Variants in GRID2 observed in about 807,000 individuals in gnomAD.
The protein encoded by GRID2 is glutamate receptor ionotropic, delta-2.
Under a neutral mutation model 114.8 loss-of-function variants are expected in GRID2, and 33 were observed. The ratio of observed to expected loss-of-function variants is 0.29; its 90% confidence interval spans 0.22 to 0.38. GRID2 has a LOEUF of 0.38. Among genes scored for constraint, GRID2 ranks in the 10% least tolerant of loss-of-function variants. The probability of loss-of-function intolerance (pLI) is 1.00; values close to 1 mark genes in which losing one functional copy is unlikely to be tolerated. For synonymous variants in GRID2, 505 were observed against 449.9 expected (o/e 1.12, Z -1.55); for missense variants, 1,184 against 1,257.7 (o/e 0.94, Z 0.89).
At chr4:92,997,955 A>G (rs1283298184) in intron 2 of GRID2, among the ~76,000 whole-genome samples, 6 of 152,236 alleles carry the variant, frequency 3.9e-5, no homozygotes, top group South Asian at 4.1e-4. Context: ...GTCAAATCAC[A>G]TATCAGACAT....
intron 1 of GRID2, among the ~76,000 whole-genome samples, chr4:92,551,803 G>A (rs964133518): frequency 6.6e-6 from 1 of 152,132 alleles, no homozygotes; most frequent in African/African-American, 2.4e-5. Context: ...GTCTATGCAT[G>A]AAGTGAGAAG....
Position 93,110,706 on chromosome 4 carries a change from C to T in GRID2, c.530-42C>T, listed in dbSNP as rs759358148. The T allele has an allele frequency of 7.1e-6, 9 of 1,273,096 alleles. No individual in the cohort carries two copies. The Admixed American group carries it at 8.4e-5, about 12-fold the overall frequency. 78.9% of individuals were successfully genotyped at this position (1,273,096 alleles called of 1,614,324 possible). ...AAATAGCTTATGCCTTCCTTCTGTA[C>T]AATAATTCACAGGTATTTTGATGGG... On this transcript the variant is annotated intron_variant, in intron 3 of 15. Transcript: ENST00000282020.
At chr4:92,598,409 T>C (rs185289038) in intron 2 of GRID2, among the ~76,000 whole-genome samples, 78 of 152,226 alleles carry the variant, frequency 5.1e-4, no homozygotes, top group African/African-American at 1.8e-3. Flanking sequence ...ATAGTACTAT[T>C]TTTAAACTCT....
At chr4:93,106,011 T>C (rs1040710546) in intron 3 of GRID2, among the ~76,000 whole-genome samples, 9 of 152,116 alleles carry the variant, frequency 5.9e-5, no homozygotes, top group Middle Eastern at 3.2e-3. Flanking sequence ...TATAGTGTCA[T>C]GGAAAAAACA....
At chr4:93,446,809 A>T (rs1722135767) in intron 10 of GRID2, among the ~76,000 whole-genome samples, 1 of 151,998 alleles carries the variant, frequency 6.6e-6, no homozygotes, top group Admixed American at 6.6e-5. Context: ...GACCATCAAC[A>T]TGTGAGTTTT....
At chr4:92,414,857 A>G (rs781395277) in intron 1 of GRID2, among the ~76,000 whole-genome samples, 7 of 152,134 alleles carry the variant, frequency 4.6e-5, no homozygotes, top group Non-Finnish European at 1.0e-4. Flanking sequence ...TATATTTTCC[A>G]ATAAAAACTA....
At chr4:93,126,662 A>G (rs1332272476) in intron 4 of GRID2, among the ~76,000 whole-genome samples, 2 of 120,418 alleles carry the variant, frequency 1.7e-5, no homozygotes, top group Non-Finnish European at 3.2e-5. Flanking sequence ...CAGTGGCGCG[A>G]TCTCGGCTCA....
At chr4:92,749,853 T>TATTGATTG (rs113146808) in intron 2 of GRID2, among the ~76,000 whole-genome samples, 7 of 151,824 alleles carry the variant, frequency 4.6e-5, no homozygotes, top group Admixed American at 1.3e-4. Flanking sequence ...CCTCACATTT[T>TATTGATTG]ATTGATTGAT....
At chr4:92,493,387 G>T (rs1723242300) in intron 1 of GRID2, among the ~76,000 whole-genome samples, 1 of 152,110 alleles carries the variant, frequency 6.6e-6, no homozygotes, top group Admixed American at 6.6e-5. Context: ...CAGCTTAGTA[G>T]CTGAAGCCAG....
intron 1 of GRID2, among the ~76,000 whole-genome samples, chr4:92,311,832 G>C (rs185757428): frequency 2.6e-5 from 4 of 152,002 alleles, no homozygotes; most frequent in African/African-American, 9.6e-5. Context: ...ATGAAGCATT[G>C]CTTTTAGTCT....
chr4:92,838,889 C>A (rs1424601077), intron 2 of GRID2: 1 of 151,994 alleles, frequency 6.6e-6, no homozygotes, highest in Non-Finnish European at 1.5e-5. Context: ...TCTATCATCA[C>A]CTTTCTGAAA....
chr4:92,349,403 TA>T (rs1364436658), intron 1 of GRID2, among the ~76,000 whole-genome samples: 1 of 151,916 alleles, frequency 6.6e-6, no homozygotes, highest in African/African-American at 2.4e-5. Context: ...GATGTCAGTC[TA>T]TTATTAACCT....
At chr4:92,677,092 T>C (rs1733412773) in intron 2 of GRID2, among the ~76,000 whole-genome samples, 1 of 152,128 alleles carries the variant, frequency 6.6e-6, no homozygotes, top group African/African-American at 2.4e-5. Context: ...ACAAAACAGA[T>C]TGGTGGCTGC....
chr4:92,891,111 T>C (rs192271525), intron 2 of GRID2, among the ~76,000 whole-genome samples: 351 of 151,936 alleles, frequency 2.3e-3, no homozygotes, highest in Non-Finnish European at 3.3e-3. Context: ...CAGGGGCCTG[T>C]TGGGGAGTCG....
At chr4:93,226,411 G>A (rs187571051) in intron 7 of GRID2, among the ~76,000 whole-genome samples, 1 of 152,236 alleles carries the variant, frequency 6.6e-6, no homozygotes, top group East Asian at 1.9e-4. Context: ...GGCAAGAAAA[G>A]AACAATAACT....
At chr4:93,737,571 AAAAAT>A (rs554165943) in intron 14 of GRID2, among the ~76,000 whole-genome samples, 18 of 152,214 alleles carry the variant, frequency 1.2e-4, no homozygotes, top group South Asian at 2.1e-4. Context: ...TAAAAAATTA[AAAAAT>A]AAAATAAAAT....
chr4:92,322,015 G>C (rs947202030), intron 1 of GRID2, among the ~76,000 whole-genome samples: 2 of 152,068 alleles, frequency 1.3e-5, no homozygotes, highest in African/African-American at 4.8e-5. Flanking sequence ...CATATTTCAG[G>C]AAATTGAACT....
chr4:93,085,307 T>C, intron 3 of GRID2, 28 bp downstream of exon 3: 3 of 1,535,582 alleles, frequency 2.0e-6, no homozygotes, highest in Non-Finnish European at 2.7e-6. Context: ...GTTTAGGTTT[T>C]GTAAGCTGAT....
intron 8 of GRID2, among the ~76,000 whole-genome samples, chr4:93,248,458 A>C (rs1200268717): frequency 6.6e-6 from 1 of 152,118 alleles, no homozygotes; most frequent in Non-Finnish European, 1.5e-5. Flanking sequence ...AATTTATTAC[A>C]TGACAACACT....
Sources: allele counts gnomAD v4.1 joint callset (sites outside exome capture counted in the v4.1 genomes callset), GRCh38; gene constraint gnomAD v4.1.1; transcripts MANE v1.5; gene names NCBI Gene and HGNC (gene_info 2026-07-23, HGNC 2026-07-21).